The following ADAMTS14 variants were observed in gnomAD, a reference collection of about 807,000 sequenced individuals.
The protein encoded by ADAMTS14 is ADAM metallopeptidase with thrombospondin type 1 motif 14.
ADAMTS14 carries 100 observed loss-of-function variants against 128.6 expected under a neutral mutation model. The observed-to-expected ratio is 0.78, with a 90% confidence interval of 0.66 to 0.92. The LOEUF is 0.92. Ranked by LOEUF, ADAMTS14 falls within the 40% of genes least tolerant of loss-of-function variation. The pLI is 0.00. For synonymous variants in ADAMTS14, 665 were observed against 653.8 expected (o/e 1.02, Z -0.26); for missense variants, 1,562 against 1,658.6 (o/e 0.94, Z 1.01).
chr10:70,744,206 C>G lies in ADAMTS14; in HGVS notation c.2182+17C>G. ...AGCAGGCAGGTGAGCCGGGCTGGGG[C>G]TGGGGGGATGACGAGGGCTGACTGG... On this transcript the variant is annotated intron_variant, in intron 14 of 21. Transcript: ENST00000373207. 3 of 1,508,410 alleles carry G rather than the reference C, an allele frequency of 2.0e-6. No homozygotes were observed. The highest frequency in any genetic ancestry group is 1.4e-5 in the African/African-American group (1 of 72,306). The allele number at this position is 1,508,410 out of a possible 1,614,324, so 93.4% of individuals were successfully genotyped here.
intron 8 of ADAMTS14, 113 bp downstream of exon 8, chr10:70,734,141 G>A (rs77978954): frequency 1.1e-5 from 16 of 1,395,004 alleles, no homozygotes; most frequent in Admixed American, 1.0e-4. Flanking sequence ...TGACTCTTCC[G>A]TGACTCATCT....
At chr10:70,714,484 C>T (rs563860668) in intron 4 of ADAMTS14, among the ~76,000 whole-genome samples, 1 of 152,328 alleles carries the variant, frequency 6.6e-6, no homozygotes, top group Admixed American at 6.5e-5. Flanking sequence ...CTGTCCGTGG[C>T]TGGTGACCCA....
At chr10:70,714,496 C>T (rs187991894) in intron 4 of ADAMTS14, among the ~76,000 whole-genome samples, 4 of 152,306 alleles carry the variant, frequency 2.6e-5, no homozygotes, top group Non-Finnish European at 5.9e-5. Flanking sequence ...GGTGACCCAG[C>T]TGTTATGGTA....
intron 11 of ADAMTS14, among the ~76,000 whole-genome samples, chr10:70,739,974 C>T (rs757984928): frequency 3.3e-5 from 5 of 152,192 alleles, no homozygotes; most frequent in Non-Finnish European, 7.3e-5. Flanking sequence ...TATAGAAAAG[C>T]CCAGGGGTCC....
chr10:70,684,691 C>T (rs2132543892), intron 2 of ADAMTS14, among the ~76,000 whole-genome samples: 1 of 152,352 alleles, frequency 6.6e-6, no homozygotes, highest in Admixed American at 6.5e-5. Flanking sequence ...CTTCTTCCTG[C>T]TGATGTCTTA....
In ADAMTS14 at chr10:70,674,708, C is replaced by A. The variant is rs74141809; in HGVS notation, c.235C>A (p.His79Asn). 1.9e-6 allele frequency: 3 copies of A among 1,613,550 alleles called. No individual in the cohort carries two copies. The highest frequency in any genetic ancestry group is 1.7e-6 in the Non-Finnish European group (2 of 1,180,024). ...VVDTPPTLPRHSSHLRVARSP... is the reference protein window; with the variant it reads ...VVDTPPTLPRNSSHLRVARSP... ...GGACACGCCACCCACACTACCACGACACTCCAGTCACCTCCGGGTGGCTCG... is the reference window on the plus strand; with the variant it reads ...GGACACGCCACCCACACTACCACGAAACTCCAGTCACCTCCGGGTGGCTCG... The change falls in exon 2 of 22, where the codon CAC (histidine) becomes AAC (asparagine). Residue 79 changes from histidine (H) to asparagine (N), a missense_variant. Coordinates refer to ENST00000373207, the MANE Select transcript of ADAMTS14 (RefSeq NM_080722.4).
chr10:70,680,314 C>T (rs1182011051), intron 2 of ADAMTS14, among the ~76,000 whole-genome samples: 16 of 86,962 alleles, frequency 1.8e-4, no homozygotes, highest in Non-Finnish European at 1.1e-4. Context: ...GCAGGAGAAT[C>T]GCATCGCTTG....
chr10:70,711,621 G>A (rs1251381851), intron 4 of ADAMTS14, among the ~76,000 whole-genome samples: 5 of 152,222 alleles, frequency 3.3e-5, no homozygotes, highest in South Asian at 2.1e-4. Flanking sequence ...AATGTTTTCT[G>A]TCATTAGTAT....
intron 16 of ADAMTS14, 108 bp from the exon 17 acceptor site, chr10:70,751,370 A>T: frequency 9.0e-7 from 1 of 1,107,656 alleles, no homozygotes; most frequent in Non-Finnish European, 1.3e-6. Context: ...CCTAGCTTTC[A>T]CAGGTTCTGC....
chr10:70,737,335 C>T (rs978624622), intron 10 of ADAMTS14, among the ~76,000 whole-genome samples: 6 of 152,210 alleles, frequency 3.9e-5, no homozygotes, highest in African/African-American at 1.4e-4. Flanking sequence ...GTGGCTGGGT[C>T]TGAAACCCAG....
In ADAMTS14 at chr10:70,674,780, C is replaced by T. The variant is rs371895859; in HGVS notation, c.307C>T (p.Arg103Cys). 1.2e-5 allele frequency: 20 copies of T among 1,613,232 alleles called. No individual in the cohort carries two copies. The highest frequency in any genetic ancestry group is 3.3e-4 in the Middle Eastern group (2 of 6,084). The change falls in exon 2 of 22, where the codon CGC (arginine) becomes TGC (cysteine). Residue 103 changes from arginine (R) to cysteine (C), a missense_variant. By Grantham distance (180) the Arg-to-Cys change is radical. Coordinates refer to ENST00000373207, the MANE Select transcript of ADAMTS14 (RefSeq NM_080722.4). ...GGTLWPGRVGRHSLYFNVTVF... is the reference protein window; with the variant it reads ...GGTLWPGRVGCHSLYFNVTVF... ...GACCCTGTGGCCTGGCAGGGTGGGG[C>T]GCCACTCCCTCTACTTCAATGTCAC...
chr10:70,680,330 G>A (rs894266633), intron 2 of ADAMTS14, among the ~76,000 whole-genome samples: 2 of 152,124 alleles, frequency 1.3e-5, no homozygotes, highest in African/African-American at 2.4e-5. Context: ...GCTTGAACCC[G>A]GGAGGTGGAG....
In ADAMTS14 at chr10:70,759,288, C is replaced by T. The variant is rs181344342; in HGVS notation, c.3178+1003C>T. Among the ~76,000 whole-genome samples the T allele has an allele frequency of 7.9e-5, 12 of 151,950 alleles. No individual in the cohort carries two copies. The East Asian group carries it at 2.1e-3, about 27-fold the overall frequency. Reference sequence around the variant, plus strand: ...ATTTTTCTCTGATCTTTCTCTTGTTCCCCTAAGCCTGCCCCTCCACCTGTG... The same window carrying T: ...ATTTTTCTCTGATCTTTCTCTTGTTTCCCTAAGCCTGCCCCTCCACCTGTG... On this transcript the variant is annotated intron_variant, in intron 21 of 21. Transcript: ENST00000373207.
chr10:70,721,355 G>A (rs1454563747), intron 4 of ADAMTS14, among the ~76,000 whole-genome samples: 2 of 149,730 alleles, frequency 1.3e-5, no homozygotes, highest in African/African-American at 4.9e-5. Context: ...TTAGACTTAG[G>A]TCTTTATCAT....
chr10:70,735,561 A>G (rs1841799601), intron 9 of ADAMTS14, among the ~76,000 whole-genome samples: 2 of 152,210 alleles, frequency 1.3e-5, no homozygotes, highest in Non-Finnish European at 2.9e-5. Flanking sequence ...CTGATGGGAT[A>G]CTGTCTGGAT....
intron 11 of ADAMTS14, among the ~76,000 whole-genome samples, chr10:70,739,198 C>T (rs74139901): frequency 0.02 from 3,050 of 152,202 alleles, 102 homozygotes; most frequent in African/African-American, 0.068. Flanking sequence ...GCCTTCTGTG[C>T]GTTTGTCTGA....
At chr10:70,753,773 CCTCCT>C (rs776506049) in intron 18 of ADAMTS14, 22 bp from the exon 19 acceptor site, 1 of 1,530,502 alleles carries the variant, frequency 6.5e-7, no homozygotes, top group Non-Finnish European at 8.8e-7. Context: ...CTTGGTCTCA[CCTCCT>C]CTCCTTTCAC....
intron 2 of ADAMTS14, among the ~76,000 whole-genome samples, chr10:70,683,819 G>A (rs1003020493): frequency 2.0e-5 from 3 of 152,232 alleles, no homozygotes; most frequent in East Asian, 1.9e-4. Context: ...GCTGTAGGCC[G>A]CGCGGCCTCA....
chr10:70,734,125 C>A (rs753563324), intron 8 of ADAMTS14, 97 bp downstream of exon 8: 3 of 1,479,798 alleles, frequency 2.0e-6, no homozygotes, highest in Non-Finnish European at 2.7e-6. Flanking sequence ...CACGTTGCCC[C>A]TGGCTTGACT....
Sources: gnomAD v4.1 joint callset for allele counts (sites outside exome capture counted in the v4.1 genomes callset) on GRCh38, gnomAD v4.1.1 for gene constraint, MANE v1.5 for transcripts, NCBI Gene and HGNC (gene_info 2026-07-23, HGNC 2026-07-21) for gene names.